The following CSMD1 variants were observed in gnomAD, a reference collection of about 807,000 sequenced individuals.
The protein encoded by CSMD1 is CUB and sushi domain-containing protein 1.
In CSMD1, 213 loss-of-function variants were observed where a neutral mutation model predicts 417.5. That is an observed-to-expected ratio of 0.51 (90% confidence interval 0.46 to 0.57). CSMD1 has a LOEUF of 0.57. CSMD1 is among the 20% of genes least tolerant of loss of function. The pLI is 0.00. For missense variants in CSMD1, 6,923 were observed against 4,529.7 expected, an observed-to-expected ratio of 1.53 and a Z score of -15.17; for synonymous variants, 2,862 against 1,736.8, an observed-to-expected ratio of 1.65 and a Z score of -16.11.
chr8:3,685,687 T>C (rs1473159622), intron 7 of CSMD1, among the ~76,000 whole-genome samples: 1 of 152,004 alleles, frequency 6.6e-6, no homozygotes, highest in Non-Finnish European at 1.5e-5. Context: ...TCAAAGAAAA[T>C]CAATGCAATT....
intron 1 of CSMD1, among the ~76,000 whole-genome samples, chr8:4,963,357 G>C (rs1370137949): frequency 1.3e-5 from 2 of 151,920 alleles, no homozygotes; most frequent in African/African-American, 2.4e-5. Context: ...ACACCACCCT[G>C]CCCAGCTAAT....
chr8:3,755,473 G>A (rs1051108107), intron 5 of CSMD1, among the ~76,000 whole-genome samples: 2 of 151,958 alleles, frequency 1.3e-5, no homozygotes, highest in Non-Finnish European at 2.9e-5. Flanking sequence ...TAGATAATCT[G>A]TAAGGGTTTA....
intron 2 of CSMD1, among the ~76,000 whole-genome samples, chr8:4,618,336 C>T (rs558695837): frequency 6.6e-6 from 1 of 152,208 alleles, no homozygotes; most frequent in Non-Finnish European, 1.5e-5. Flanking sequence ...CCCAGCTTTG[C>T]TTGACGAACA....
chr8:4,469,899 GCT>G (rs925180068), intron 2 of CSMD1, among the ~76,000 whole-genome samples: 46 of 150,598 alleles, frequency 3.1e-4, no homozygotes, highest in African/African-American at 1.1e-3. Context: ...ACGGAGTGTC[GCT>G]CTGTCGCCCT....
chr8:3,446,179 G>C (rs1314238722), intron 12 of CSMD1, among the ~76,000 whole-genome samples: 2 of 152,096 alleles, frequency 1.3e-5, no homozygotes, highest in Non-Finnish European at 2.9e-5. Context: ...AAAAAGAAAA[G>C]AGGATGAGGG....
chr8:3,425,301 C>A (rs1225249546), intron 12 of CSMD1, among the ~76,000 whole-genome samples: 1 of 152,126 alleles, frequency 6.6e-6, no homozygotes, highest in African/African-American at 2.4e-5. Context: ...TGAAAATGCC[C>A]TGTCCCAGCT....
intron 1 of CSMD1, among the ~76,000 whole-genome samples, chr8:4,727,082 C>T (rs760055275): frequency 3.3e-5 from 5 of 152,044 alleles, no homozygotes; most frequent in African/African-American, 4.8e-5. Flanking sequence ...GGGCTTTCTA[C>T]CGGCTGAGTA....
chr8:4,897,080 G>A (rs1187750413), intron 1 of CSMD1, among the ~76,000 whole-genome samples: 1 of 151,998 alleles, frequency 6.6e-6, no homozygotes, highest in African/African-American at 2.4e-5. Context: ...CCTTTCCTGA[G>A]TGCCTACAAT....
chr8:4,288,704 T>C (rs181249705), intron 3 of CSMD1, among the ~76,000 whole-genome samples: 58 of 152,298 alleles, frequency 3.8e-4, no homozygotes, highest in Non-Finnish European at 6.9e-4. Context: ...AGTCTTCTAG[T>C]GGATTTTTAA....
In CSMD1 at chr8:3,118,604, G is replaced by A. The variant is rs1185916454; in HGVS notation, c.6242-17C>T. On this transcript the variant is annotated splice_polypyrimidine_tract_variant and intron_variant, in intron 41 of 69. Transcript: ENST00000635120. ...ATTCATAGGCTGAAAGAAACAAACA[G>A]ACAAAATAAAGCTTATATTTGTGAG... is the stretch of plus-strand genomic sequence containing the variant. The A allele has an allele frequency of 6.2e-7, 1 of 1,607,140 alleles. No individual in the cohort carries two copies. The highest frequency in any genetic ancestry group is 1.1e-5 in the South Asian group (1 of 89,850).
At chr8:3,085,915 T>A (rs1015864999) in intron 49 of CSMD1, among the ~76,000 whole-genome samples, 24 of 152,140 alleles carry the variant, frequency 1.6e-4, no homozygotes, top group African/African-American at 5.6e-4. Context: ...CACACTCTCT[T>A]TAGGCTCTAT....
chr8:3,773,041 G>A (rs1487849555), intron 5 of CSMD1, among the ~76,000 whole-genome samples: 1 of 152,272 alleles, frequency 6.6e-6, no homozygotes, highest in East Asian at 1.9e-4. Context: ...TCCCATGACA[G>A]AAGGGAAGAA....
intron 68 of CSMD1, among the ~76,000 whole-genome samples, chr8:2,945,067 T>C (rs1802128993): frequency 6.6e-6 from 1 of 152,194 alleles, no homozygotes; most frequent in Non-Finnish European, 1.5e-5. Flanking sequence ...CTTGTTTTAA[T>C]AATTTGAAGG....
chr8:3,935,884 A>G (rs997055715), intron 5 of CSMD1, among the ~76,000 whole-genome samples: 2 of 152,240 alleles, frequency 1.3e-5, no homozygotes, highest in African/African-American at 4.8e-5. Flanking sequence ...TGAGAAAAGT[A>G]TACTTAAAGA....
intron 3 of CSMD1, among the ~76,000 whole-genome samples, chr8:4,215,693 T>C (rs1027323028): frequency 6.6e-6 from 1 of 152,226 alleles, no homozygotes; most frequent in Non-Finnish European, 1.5e-5. Flanking sequence ...GACTTTAATA[T>C]GCAGATTCTT....
intron 12 of CSMD1, among the ~76,000 whole-genome samples, chr8:3,430,678 G>C (rs1376053079): frequency 6.6e-6 from 1 of 152,038 alleles, no homozygotes; most frequent in Non-Finnish European, 1.5e-5. Flanking sequence ...GTGATGGCAG[G>C]TGCCTGTAAT....
intron 1 of CSMD1, among the ~76,000 whole-genome samples, chr8:4,820,614 C>A (rs1799469456): frequency 6.6e-6 from 1 of 152,128 alleles, no homozygotes; most frequent in African/African-American, 2.4e-5. Context: ...TCTGAAATCA[C>A]TGAAGTAATT....
In CSMD1 at chr8:3,187,669, C is replaced by T. The variant is rs189538834; in HGVS notation, c.5620+200G>A. ...GACACTTTTAGATTGGTCTCCTCCT[C>T]GTGGAGAACACAGCTTTGTTTTTAC... is the stretch of plus-strand genomic sequence containing the variant. On this transcript the variant is annotated intron_variant, in intron 36 of 69. Coordinates refer to ENST00000635120, the MANE Select transcript of CSMD1 (RefSeq NM_033225.6). Among the ~76,000 whole-genome samples, 5 of 152,258 alleles carry T rather than the reference C, an allele frequency of 3.3e-5. No individual in the cohort carries two copies. In the Middle Eastern group the frequency reaches 0.01, roughly 311 times the overall value.
At chr8:4,708,153 C>T (rs914005958) in intron 1 of CSMD1, among the ~76,000 whole-genome samples, 1 of 151,956 alleles carries the variant, frequency 6.6e-6, no homozygotes, top group Admixed American at 6.6e-5. Context: ...TGGAGTTTTG[C>T]TATGTCGACC....
Sources: gnomAD v4.1 joint callset for allele counts (sites outside exome capture counted in the v4.1 genomes callset) on GRCh38, gnomAD v4.1.1 for gene constraint, MANE v1.5 for transcripts, NCBI Gene and HGNC (gene_info 2026-07-23, HGNC 2026-07-21) for gene names.